DOCK1: variants seen among roughly 807,000 people sequenced by gnomAD.
DOCK1 encodes the protein dedicator of cytokinesis protein 1.
A neutral mutation model predicts 262.7 loss-of-function variants in DOCK1; 138 were observed. The observed-to-expected ratio is 0.53, with a 90% CI of 0.46 to 0.61. DOCK1 has a LOEUF of 0.61. DOCK1 is among the 20% of genes least tolerant of loss of function. The pLI is 0.00. For missense variants in DOCK1, 1,908 were observed against 2,370.7 expected (o/e 0.80, Z 4.05); for synonymous variants, 866 against 867.4 (o/e 1.00, Z 0.03).
At chr10:127,242,351 C>T (rs2059293010) in intron 27 of DOCK1, among the ~76,000 whole-genome samples, 1 of 152,108 alleles carries the variant, frequency 6.6e-6, no homozygotes, top group South Asian at 2.1e-4. Context: ...TTTGGACTCC[C>T]TGTTTTTCTC....
intron 27 of DOCK1, among the ~76,000 whole-genome samples, chr10:127,152,874 C>T (rs951943161): frequency 1.3e-5 from 2 of 152,182 alleles, no homozygotes; most frequent in Non-Finnish European, 2.9e-5. Flanking sequence ...TTTAAGGAAC[C>T]TGGGCCCTAT....
At chr10:127,389,199 G>T (rs1288663664) in intron 38 of DOCK1, among the ~76,000 whole-genome samples, 2 of 152,180 alleles carry the variant, frequency 1.3e-5, no homozygotes, top group East Asian at 3.9e-4. Flanking sequence ...CAGGAGGAAG[G>T]GGGCACACAG....
At chr10:127,402,727 T>C (rs1376657681) in intron 38 of DOCK1, 1 of 541,646 alleles carries the variant, frequency 1.8e-6, no homozygotes, top group African/African-American at 1.9e-5. Context: ...CCAAGGCTGC[T>C]CCGACAGACG....
At chr10:127,135,790 T>G (rs1353238184) in intron 27 of DOCK1, 1 of 152,642 alleles carries the variant, frequency 6.6e-6, no homozygotes, top group African/African-American at 2.4e-5. Flanking sequence ...TGTACTAGGA[T>G]GTCCTCTTGT....
At chr10:127,021,239 C>G (rs1413091720) in intron 13 of DOCK1, among the ~76,000 whole-genome samples, 2 of 152,156 alleles carry the variant, frequency 1.3e-5, no homozygotes, top group Non-Finnish European at 2.9e-5. Context: ...GATCTCAGCT[C>G]ACCGCAACGT....
chr10:127,310,172 G>A (rs1217638953), intron 29 of DOCK1, among the ~76,000 whole-genome samples: 2 of 152,268 alleles, frequency 1.3e-5, no homozygotes, highest in East Asian at 1.9e-4. Flanking sequence ...ACTGCGCCCG[G>A]CCTGCTTTAC....
At chr10:126,910,874 T>C (rs891161620) in intron 1 of DOCK1, among the ~76,000 whole-genome samples, 1 of 152,138 alleles carries the variant, frequency 6.6e-6, no homozygotes, top group Non-Finnish European at 1.5e-5. Context: ...AGTATCTCTC[T>C]CTGGATATTC....
At position 127,012,427 on chromosome 10, in the gene DOCK1, C is replaced by A; in HGVS notation, c.1201+53C>A. On this transcript the variant is annotated intron_variant, in intron 12 of 51. Transcript: ENST00000623213. The surrounding 1 kb of genome is among the most constrained non-coding windows in gnomAD (Gnocchi z 4.0). ...CAGCGTGTATTTGCATGCGTTGGGGCAGTGCTGTCTGGGTTGGTTTTAGTT... is the reference window on the plus strand; with the variant it reads ...CAGCGTGTATTTGCATGCGTTGGGGAAGTGCTGTCTGGGTTGGTTTTAGTT... 1 of 1,555,508 alleles carries A rather than the reference C, an allele frequency of 6.4e-7. No homozygotes were observed. The highest frequency in any genetic ancestry group is 1.1e-5 in the South Asian group (1 of 88,540).
chr10:127,274,265 A>T (rs2489409), intron 29 of DOCK1, among the ~76,000 whole-genome samples: 1 of 152,122 alleles, frequency 6.6e-6, no homozygotes, highest in Non-Finnish European at 1.5e-5. Flanking sequence ...TATACCTCCA[A>T]TGAGAAAGAG....
chr10:127,415,708 C>T (rs2068112287), intron 44 of DOCK1, among the ~76,000 whole-genome samples: 1 of 152,148 alleles, frequency 6.6e-6, no homozygotes, highest in African/African-American at 2.4e-5. Context: ...CTCCCTGACC[C>T]TTTTTAAAGA....
At chr10:126,993,636 C>T (rs1324434358) in intron 6 of DOCK1, among the ~76,000 whole-genome samples, 1 of 152,170 alleles carries the variant, frequency 6.6e-6, no homozygotes, top group African/African-American at 2.4e-5. Flanking sequence ...CTTGAGGCAC[C>T]CTGCTTACAT....
At chr10:127,008,317 C>G (rs978698844) in intron 10 of DOCK1, among the ~76,000 whole-genome samples, 2 of 152,136 alleles carry the variant, frequency 1.3e-5, no homozygotes, top group Admixed American at 6.5e-5. Flanking sequence ...AGGCTAGTCT[C>G]GAACTCCTGG....
At chr10:126,927,872 C>T (rs920104989) in intron 1 of DOCK1, among the ~76,000 whole-genome samples, 26 of 152,292 alleles carry the variant, frequency 1.7e-4, no homozygotes, top group Admixed American at 1.5e-3. Context: ...GCTGTGGCTG[C>T]CTAGCAGGAA....
chr10:127,447,483 T>C lies in DOCK1; in HGVS notation c.5503T>C (p.Leu1835=). The change falls in exon 51 of 52, where the codon TTG becomes CTG. Residue 1835 remains leucine (L), a synonymous_variant. Transcript: ENST00000623213. ...AGGCAGCGTGGCAGATTACGGGAAT[T>C]TGATGGAAAACCAGGACTTGCTGGG... ...LKGSVADYGN[L]MENQDLLGSP... 4 of 1,613,862 alleles carry C rather than the reference T, an allele frequency of 2.5e-6. No individual in the cohort carries two copies. Among genetic ancestry groups the C allele is most frequent in the East Asian group, 2.2e-5 (1 of 44,860 alleles).
At chr10:127,397,792 G>T (rs1000094357) in intron 38 of DOCK1, among the ~76,000 whole-genome samples, 7 of 151,012 alleles carry the variant, frequency 4.6e-5, no homozygotes, top group African/African-American at 1.7e-4. Flanking sequence ...AGTGACTCCT[G>T]TATGACACGG....
chr10:127,024,723 A>G lies in DOCK1; in HGVS notation c.1491A>G (p.Ser497=), dbSNP rs768325462. Residue 497 remains serine (S), a synonymous_variant, in exon 15 of 52, where the codon TCA becomes TCG. Transcript: ENST00000623213. Reference sequence around the variant, plus strand: ...CGGGTGCTGGTGATGAAGCGATTTCAGAGTACAAATCTGTGATTTACTACC... The same window carrying G: ...CGGGTGCTGGTGATGAAGCGATTTCGGAGTACAAATCTGTGATTTACTACC... ...IFPGAGDEAI[S]EYKSVIYYQV... 4.3e-6 allele frequency: 7 copies of G among 1,612,536 alleles called. No individual in the cohort carries two copies. In the East Asian group the frequency reaches 1.3e-4, roughly 31 times the overall value.
At chr10:127,164,424 C>G (rs1407565700) in intron 27 of DOCK1, among the ~76,000 whole-genome samples, 1 of 152,008 alleles carries the variant, frequency 6.6e-6, no homozygotes, top group East Asian at 1.9e-4. Context: ...CTCAGGTGAT[C>G]CACCCGCCTC....
At chr10:126,973,637 G>A (rs2038284175) in intron 2 of DOCK1, among the ~76,000 whole-genome samples, 1 of 152,048 alleles carries the variant, frequency 6.6e-6, no homozygotes, top group Admixed American at 6.6e-5. Context: ...CTAACTTTTT[G>A]GTTTTAATCT....
At chr10:127,052,311 G>A (rs907992783) in intron 21 of DOCK1, among the ~76,000 whole-genome samples, 1 of 152,172 alleles carries the variant, frequency 6.6e-6, no homozygotes, top group Admixed American at 6.5e-5. Context: ...GATTGCCTGA[G>A]CTCAGGAGTT....
Sources: gnomAD v4.1 joint callset for allele counts (sites outside exome capture counted in the v4.1 genomes callset) on GRCh38, gnomAD v4.1.1 for gene constraint, Gnocchi (gnomAD v3.1) non-coding constraint, MANE v1.5 for transcripts, NCBI Gene and HGNC (gene_info 2026-07-23, HGNC 2026-07-21) for gene names.